MYOF: variants seen among roughly 807,000 people sequenced by gnomAD.
MYOF encodes myoferlin, also known as fer-1-like 3, myoferlin.
MYOF carries 244 observed loss-of-function variants against 284.2 expected under a neutral mutation model. That is an observed-to-expected ratio of 0.86 (90% CI 0.77 to 0.95). MYOF has a LOEUF of 0.95. Ranked by LOEUF, MYOF falls within the 40% of genes least tolerant of loss-of-function variation. MYOF has a pLI of 0.00. For synonymous variants in MYOF, 904 were observed against 919.7 expected (o/e 0.98, Z 0.31); for missense variants, 2,496 against 2,560.6 (o/e 0.97, Z 0.54).
At chr10:93,406,617 T>G (rs1435365927) in intron 7 of MYOF, among the ~76,000 whole-genome samples, 1 of 151,186 alleles carries the variant, frequency 6.6e-6, no homozygotes, top group Admixed American at 6.6e-5. Flanking sequence ...TTCCCTGAAG[T>G]CCATTTCCAG....
At chr10:93,395,170 C>A (rs1465759105) in intron 16 of MYOF, among the ~76,000 whole-genome samples, 1 of 152,122 alleles carries the variant, frequency 6.6e-6, no homozygotes, top group Non-Finnish European at 1.5e-5. Flanking sequence ...CTGGGCTGGA[C>A]ACGGTGGCTC....
chr10:93,380,723 T>C (rs1371072243), intron 20 of MYOF, among the ~76,000 whole-genome samples: 1 of 152,190 alleles, frequency 6.6e-6, no homozygotes, highest in Non-Finnish European at 1.5e-5. Context: ...TATTTAATCC[T>C]CATGTCAACT....
intron 2 of MYOF, among the ~76,000 whole-genome samples, chr10:93,453,310 C>T (rs1298231024): frequency 2.0e-5 from 3 of 152,126 alleles, no homozygotes; most frequent in Non-Finnish European, 2.9e-5. Context: ...GGATTACAGG[C>T]GCCTGCCACC....
chr10:93,379,994 T>G lies in MYOF; in HGVS notation c.1877-7A>C, dbSNP rs747961489. The G allele has an allele frequency of 1.2e-6, 2 of 1,612,490 alleles. No homozygotes were observed. Reference sequence around the variant, plus strand: ...AAGTAATAATAGTAGTTGCCTGGTATAAAACATTGGGGGTCAATGAACACT... The same window carrying G: ...AAGTAATAATAGTAGTTGCCTGGTAGAAAACATTGGGGGTCAATGAACACT... On this transcript the variant is annotated splice_region_variant and splice_polypyrimidine_tract_variant and intron_variant, in intron 20 of 53. Coordinates refer to ENST00000359263, the MANE Select transcript of MYOF (RefSeq NM_013451.4).
chr10:93,378,907 G>T (rs527633102), intron 21 of MYOF, among the ~76,000 whole-genome samples: 1 of 151,306 alleles, frequency 6.6e-6, no homozygotes, highest in African/African-American at 2.4e-5. Flanking sequence ...GTAGAGACAG[G>T]GTTTCACCAT....
rs1282584725 is a variant in MYOF at position 93,356,815 on chromosome 10, C to T, written c.3154G>A (p.Glu1052Lys). The change falls in exon 30 of 54, where the codon GAA (glutamate) becomes AAA (lysine). Residue 1052 changes from glutamate (E) to lysine (K), a missense_variant. Transcript: ENST00000359263. Reference protein sequence around the residue: ...MEELQDQEGWEYASLIGWKFH... With the variant: ...MEELQDQEGWKYASLIGWKFH... Reference sequence around the variant, plus strand: ...TTCCAGCCAATTAGAGAAGCATATTCCCAGCCCTCTTGGTCTTGCAATTCC... The same window carrying T: ...TTCCAGCCAATTAGAGAAGCATATTTCCAGCCCTCTTGGTCTTGCAATTCC... The T allele has an allele frequency of 1.2e-6, 2 of 1,613,924 alleles. No individual in the cohort carries two copies. Among genetic ancestry groups the T allele is most frequent in the Non-Finnish European group, 1.7e-6 (2 of 1,179,954 alleles).
intron 48 of MYOF, 98 bp downstream of exon 48, chr10:93,322,980 C>A (rs779884787): frequency 4.8e-6 from 6 of 1,259,786 alleles, no homozygotes; most frequent in Non-Finnish European, 6.9e-6. Context: ...CCTCAAAAAA[C>A]CAAGAATCCT....
intron 25 of MYOF, among the ~76,000 whole-genome samples, chr10:93,369,408 T>A (rs936605373): frequency 3.3e-5 from 5 of 152,116 alleles, no homozygotes; most frequent in African/African-American, 4.8e-5. Flanking sequence ...ATCTAAGTCA[T>A]CTCTTGGAAT....
At chr10:93,466,914 G>T (rs1426493122) in intron 1 of MYOF, among the ~76,000 whole-genome samples, 1 of 152,116 alleles carries the variant, frequency 6.6e-6, no homozygotes, top group Non-Finnish European at 1.5e-5. Context: ...AGAGATCAAG[G>T]CTGCAGTGGG....
intron 27 of MYOF, among the ~76,000 whole-genome samples, 178 bp downstream of exon 27, chr10:93,363,783 T>C (rs754728863): frequency 7.2e-5 from 11 of 152,258 alleles, no homozygotes; most frequent in Non-Finnish European, 1.6e-4. Context: ...CTCATTTCTA[T>C]TCTAAAGAAA....
At chr10:93,480,849 G>A (rs943502047) in intron 1 of MYOF, among the ~76,000 whole-genome samples, 18 of 152,200 alleles carry the variant, frequency 1.2e-4, no homozygotes, top group Non-Finnish European at 2.2e-4. Flanking sequence ...GAGAAATAAA[G>A]GGGAAAAACG....
chr10:93,371,008 C>T (rs1845563444), intron 24 of MYOF, among the ~76,000 whole-genome samples: 1 of 152,180 alleles, frequency 6.6e-6, no homozygotes. Flanking sequence ...AGTTTGATAG[C>T]TTCCCAACAC....
Position 93,306,859 on chromosome 10 carries a change from C to T in MYOF, c.*104G>A. On this transcript the variant is annotated 3_prime_UTR_variant, in exon 54 of 54. Transcript: ENST00000359263. ...GGGCTCGGTGACATGGCGTAACCTG[C>T]TACTGGGGTGTGGTCTCAGACACAA... 8.2e-7 allele frequency: 1 copy of T among 1,218,966 alleles called. No individual in the cohort carries two copies. The highest frequency in any genetic ancestry group is 1.2e-6 in the Non-Finnish European group (1 of 833,142). The allele number at this position is 1,218,966 out of a possible 1,614,324, so 75.5% of individuals were successfully genotyped here.
At chr10:93,373,914 GGTTT>G (rs1235673963) in intron 23 of MYOF, among the ~76,000 whole-genome samples, 3 of 152,098 alleles carry the variant, frequency 2.0e-5, no homozygotes, top group South Asian at 2.1e-4. Context: ...ACAATGTGCA[GGTTT>G]GTTACATAGG....
chr10:93,434,088 C>A (rs1418961378), intron 3 of MYOF, among the ~76,000 whole-genome samples: 1 of 152,126 alleles, frequency 6.6e-6, no homozygotes, highest in African/African-American at 2.4e-5. Context: ...CCACACAAGA[C>A]GATCAACAAC....
intron 5 of MYOF, among the ~76,000 whole-genome samples, chr10:93,413,145 C>A (rs934313186): frequency 6.6e-6 from 1 of 151,992 alleles, no homozygotes; most frequent in African/African-American, 2.4e-5. Flanking sequence ...TCAATCATAC[C>A]CCTTTGCAAT....
chr10:93,371,220 A>C (rs1845574861), intron 24 of MYOF, among the ~76,000 whole-genome samples: 2 of 152,246 alleles, frequency 1.3e-5, no homozygotes, highest in Admixed American at 1.3e-4. Context: ...AACGTAGCTG[A>C]GTATGAAAAA....
rs765745535 is a variant in MYOF at position 93,325,944 on chromosome 10, T to C, written c.5153A>G (p.Gln1718Arg). ...DEFEANKILH[Q>R]HLGAPEERLA... ...CCGCTCTTCAGGGGCCCCGAGGTGC[T>C]GGTGCAGGATTTTGTTGGCTTCTGC... is the stretch of plus-strand genomic sequence containing the variant. The change falls in exon 46 of 54, where the codon CAG becomes CGG. Residue 1718 changes from glutamine (Q) to arginine (R), a missense_variant. Gln to Arg is a conservative substitution (Grantham distance 43). This residue lies in a region of MYOF where 2,436 missense variants were observed against 2,480.7 expected (regional missense o/e 0.98). Coordinates refer to ENST00000359263, the MANE Select transcript of MYOF (RefSeq NM_013451.4). 10 of 1,613,974 alleles carry C rather than the reference T, an allele frequency of 6.2e-6. No homozygotes were observed. Among genetic ancestry groups the C allele is most frequent in the Admixed American group, 1.7e-5 (1 of 60,004 alleles).
chr10:93,455,484 A>C (rs2056723557), intron 2 of MYOF, among the ~76,000 whole-genome samples: 1 of 152,018 alleles, frequency 6.6e-6, no homozygotes, highest in Non-Finnish European at 1.5e-5. Flanking sequence ...CCTGGGCAAC[A>C]CGGCAAAAGC....
Sources: gnomAD v4.1 joint callset for allele counts (sites outside exome capture counted in the v4.1 genomes callset) on GRCh38, gnomAD v4.1.1 for gene constraint, gnomAD v4.1.1 regional missense constraint, MANE v1.5 for transcripts, NCBI Gene and HGNC (gene_info 2026-07-23, HGNC 2026-07-21) for gene names.